The following NETO1 variants were observed in gnomAD, a reference collection of about 807,000 sequenced individuals.
NETO1 encodes neuropilin and tolloid like 1.
A neutral mutation model predicts 61.3 loss-of-function variants in NETO1; 26 were observed. The observed-to-expected ratio is 0.42, with a 90% confidence interval of 0.31 to 0.59. NETO1 has a LOEUF of 0.59. NETO1 is among the 20% of genes least tolerant of loss of function. NETO1 has a pLI of 0.12. For synonymous variants in NETO1, 225 were observed against 225.8 expected, an observed-to-expected ratio of 1.00 and a Z score of 0.03; for missense variants, 531 against 662.8, an observed-to-expected ratio of 0.80 and a Z score of 2.18.
intron 7 of NETO1, among the ~76,000 whole-genome samples, chr18:72,776,668 C>T (rs2071558568): frequency 6.6e-6 from 1 of 152,134 alleles, no homozygotes; most frequent in Non-Finnish European, 1.5e-5. Flanking sequence ...TAAGGGCACT[C>T]ATCTCACTTA....
intron 6 of NETO1, among the ~76,000 whole-genome samples, chr18:72,790,865 TG>T (rs977444828): frequency 6.6e-6 from 1 of 152,148 alleles, no homozygotes; most frequent in Non-Finnish European, 1.5e-5. Context: ...TGCTTGGCAC[TG>T]GGTATCTGGA....
chr18:72,772,293 T>C (rs1478922868), intron 7 of NETO1, among the ~76,000 whole-genome samples: 3 of 152,164 alleles, frequency 2.0e-5, no homozygotes, highest in South Asian at 2.1e-4. Context: ...TAGTTTCCTG[T>C]TTAACTCAAA....
At chr18:72,772,827 A>C (rs8090889) in intron 7 of NETO1, among the ~76,000 whole-genome samples, 849 of 4,864 alleles carry the variant, frequency 0.17, 3 homozygotes, top group Middle Eastern at 0.33. Context: ...CTCTCTCTCT[A>C]TATATATATA....
chr18:72,795,709 A>G (rs2145289447), intron 4 of NETO1, among the ~76,000 whole-genome samples: 1 of 152,064 alleles, frequency 6.6e-6, no homozygotes, highest in African/African-American at 2.4e-5. Context: ...CTAAATCAAG[A>G]TAATTCACGT....
chr18:72,792,554 T>C (rs1599008288), intron 6 of NETO1, among the ~76,000 whole-genome samples: 1 of 151,878 alleles, frequency 6.6e-6, no homozygotes, highest in African/African-American at 2.4e-5. Flanking sequence ...CATGGCCTAA[T>C]TTCCAACACT....
chr18:72,812,852 GAACA>G (rs1466193003), intron 4 of NETO1, among the ~76,000 whole-genome samples: 1 of 152,146 alleles, frequency 6.6e-6, no homozygotes, highest in Non-Finnish European at 1.5e-5. Context: ...AGCCCTGTCA[GAACA>G]AACTACCTCT....
chr18:72,777,483 T>C (rs1384033938), intron 7 of NETO1, among the ~76,000 whole-genome samples: 5 of 149,918 alleles, frequency 3.3e-5, no homozygotes, highest in Non-Finnish European at 5.9e-5. Flanking sequence ...GGCTCATGCC[T>C]GTAATCCCAG....
intron 7 of NETO1, among the ~76,000 whole-genome samples, chr18:72,782,361 T>C (rs2071771825): frequency 6.6e-6 from 1 of 152,160 alleles, no homozygotes; most frequent in East Asian, 1.9e-4. Flanking sequence ...TTATACTCAG[T>C]ATTGGGATTG....
intron 4 of NETO1, among the ~76,000 whole-genome samples, chr18:72,852,620 T>C (rs574595710): frequency 6.6e-6 from 1 of 152,110 alleles, no homozygotes; most frequent in Admixed American, 6.6e-5. Context: ...GGAAATTTTC[T>C]CTCCCACTCT....
intron 7 of NETO1, among the ~76,000 whole-genome samples, chr18:72,782,095 C>A (rs115230768): frequency 1.3e-5 from 2 of 152,068 alleles, no homozygotes; most frequent in Non-Finnish European, 2.9e-5. Flanking sequence ...TGAGAACGTG[C>A]GGTATTTGAT....
chr18:72,849,654 C>A (rs145323133), intron 4 of NETO1, among the ~76,000 whole-genome samples: 2 of 152,228 alleles, frequency 1.3e-5, no homozygotes, highest in African/African-American at 4.8e-5. Flanking sequence ...GAAATAAAAT[C>A]AAGTATTTGT....
At chr18:72,764,614 GACT>G (rs1270865234) in intron 7 of NETO1, among the ~76,000 whole-genome samples, 3 of 152,044 alleles carry the variant, frequency 2.0e-5, no homozygotes, top group Admixed American at 1.3e-4. Flanking sequence ...CCCCAGCTCT[GACT>G]ACTGTGTGAG....
At chr18:72,835,199 G>GT in intron 4 of NETO1, 1 of 1,377,032 alleles carries the variant, frequency 7.3e-7, no homozygotes, top group Non-Finnish European at 9.6e-7. Context: ...AGATCAGCAT[G>GT]TGTGCTTCAA....
intron 7 of NETO1, among the ~76,000 whole-genome samples, chr18:72,782,069 A>G (rs1402862928): frequency 1.3e-5 from 2 of 152,108 alleles, no homozygotes; most frequent in Non-Finnish European, 2.9e-5. Flanking sequence ...CTCAGTGTTT[A>G]GCTCTCACTT....
intron 3 of NETO1, among the ~76,000 whole-genome samples, chr18:72,860,297 G>A (rs748846801): frequency 9.2e-5 from 14 of 152,268 alleles, no homozygotes; most frequent in South Asian, 2.1e-4. Context: ...TAGCACAGTC[G>A]GGCCTGCTCC....
chr18:72,863,811 T>TG (rs1467668833), intron 3 of NETO1, among the ~76,000 whole-genome samples: 1 of 152,082 alleles, frequency 6.6e-6, no homozygotes, highest in East Asian at 1.9e-4. Context: ...TGTGTGTGTG[T>TG]GTGGGGGGAA....
chr18:72,752,809 G>T (rs2070666171), intron 8 of NETO1, among the ~76,000 whole-genome samples: 1 of 151,972 alleles, frequency 6.6e-6, no homozygotes, highest in African/African-American at 2.4e-5. Context: ...TATTAATGAA[G>T]AAATATAAAT....
intron 4 of NETO1, among the ~76,000 whole-genome samples, chr18:72,848,126 A>T (rs1196566471): frequency 2.0e-5 from 3 of 152,202 alleles, no homozygotes; most frequent in Non-Finnish European, 4.4e-5. Flanking sequence ...AAAAGCCAGG[A>T]TAATGTCCCT....
At chr18:72,834,777 T>A (rs949906974) in intron 4 of NETO1, 1 of 985,032 alleles carries the variant, frequency 1.0e-6, no homozygotes, top group African/African-American at 1.7e-5. Context: ...TCCCAGTCCA[T>A]GGCGATAAGA....
Sources: allele counts gnomAD v4.1 joint callset (sites outside exome capture counted in the v4.1 genomes callset), GRCh38; gene constraint gnomAD v4.1.1; transcripts MANE v1.5; gene names NCBI Gene and HGNC (gene_info 2026-07-23, HGNC 2026-07-21).